TCF25: variants seen among roughly 807,000 people sequenced by gnomAD.
The protein encoded by TCF25 is TCF25 ribosome quality control complex subunit.
A neutral mutation model predicts 83.1 loss-of-function variants in TCF25; 41 were observed. The ratio of observed to expected loss-of-function variants is 0.49; its 90% CI spans 0.38 to 0.64. TCF25 has a LOEUF of 0.64. TCF25 is among the 30% of genes least tolerant of loss of function. TCF25 has a pLI of 0.00. For missense variants in TCF25, 979 were observed against 914.5 expected (o/e 1.07, Z -0.91); for synonymous variants, 458 against 365.0 (o/e 1.25, Z -2.90).
rs759347623 is a variant in TCF25 at position 89,906,284 on chromosome 16, G to A, written c.1719G>A (p.Pro573=). The part of the protein sequence containing the change: ...EIKEAVAALP[P]DVTTQSVMGF... ...AGGAAGCCGTCGCTGCCCTGCCCCCGGTAAGGGAGAAAGGCTGAAATGGGA... is the reference window on the plus strand; with the variant it reads ...AGGAAGCCGTCGCTGCCCTGCCCCCAGTAAGGGAGAAAGGCTGAAATGGGA... Residue 573 remains proline, a splice_region_variant and synonymous_variant, in exon 15 of 18, where the codon CCG becomes CCA. Transcript: ENST00000263346. 3 of 1,612,748 alleles carry A rather than the reference G, an allele frequency of 1.9e-6. No individual in the cohort carries two copies. The highest frequency in any genetic ancestry group is 1.1e-5 in the South Asian group (1 of 90,966).
chr16:89,908,009 G>C (rs183271572), intron 16 of TCF25, among the ~76,000 whole-genome samples: 687 of 33,320 alleles, frequency 0.021, 9 homozygotes, highest in African/African-American at 0.077. Flanking sequence ...CCCAGCTACC[G>C]CCTCCCTCCT....
chr16:89,896,775 C>T (rs1267692274), intron 9 of TCF25, among the ~76,000 whole-genome samples: 1 of 152,014 alleles, frequency 6.6e-6, no homozygotes, highest in African/African-American at 2.4e-5. Flanking sequence ...AGGATGGTCT[C>T]CATCTCCTGA....
At chr16:89,876,226 G>A (rs537418115) in intron 1 of TCF25, among the ~76,000 whole-genome samples, 1 of 151,994 alleles carries the variant, frequency 6.6e-6, no homozygotes, top group East Asian at 1.9e-4. Flanking sequence ...TTTATCCAGT[G>A]GCACACATCA....
intron 7 of TCF25, among the ~76,000 whole-genome samples, chr16:89,894,265 A>G (rs1485403999): frequency 8.1e-5 from 12 of 148,098 alleles, no homozygotes; most frequent in East Asian, 2.0e-4. Context: ...GCCCCCGCGC[A>G]GCCCCAGACA....
rs1311746755 is a variant in TCF25 at position 89,898,601 on chromosome 16, A to C, written c.1067A>C (p.Lys356Thr). The C allele has an allele frequency of 1.2e-6, 2 of 1,610,460 alleles. No individual in the cohort carries two copies. The highest frequency in any genetic ancestry group is 2.2e-5 in the East Asian group (1 of 44,776). The stretch of plus-strand genomic sequence containing the variant: ...TACAAGCAGATGAGCTTCCTGGAGA[A>C]GCGAGGCTGCCCGCGCACGGCGCTG... ...ALYKQMSFLE[K>T]RGCPRTALEY... The change falls in exon 10 of 18, where the codon AAG becomes ACG. Residue 356 changes from lysine to threonine, a missense_variant. Coordinates refer to ENST00000263346, the MANE Select transcript of TCF25 (RefSeq NM_014972.3).
intron 9 of TCF25, among the ~76,000 whole-genome samples, chr16:89,897,458 C>T (rs1233631031): frequency 6.6e-6 from 1 of 152,262 alleles, no homozygotes; most frequent in Non-Finnish European, 1.5e-5. Context: ...GTGGGATCCG[C>T]TCCTACCCTC....
At chr16:89,880,192 A>C (rs1032961746) in intron 1 of TCF25, among the ~76,000 whole-genome samples, 4 of 152,236 alleles carry the variant, frequency 2.6e-5, no homozygotes, top group Non-Finnish European at 4.4e-5. Flanking sequence ...TTTCCATTGA[A>C]GTTCAGCTTG....
chr16:89,880,515 C>T (rs148733878), intron 1 of TCF25, among the ~76,000 whole-genome samples: 48 of 151,756 alleles, frequency 3.2e-4, no homozygotes, highest in African/African-American at 1.1e-3. Flanking sequence ...ATCCGGGAGG[C>T]GGAGGTTGCA....
At chr16:89,904,647 C>T (rs897557803) in intron 13 of TCF25, 1 of 546,324 alleles carries the variant, frequency 1.8e-6, no homozygotes, top group Non-Finnish European at 3.4e-6. Context: ...TCCCCTGGCC[C>T]TCCAGGGCTC....
intron 11 of TCF25, 74 bp from the exon 12 acceptor site, chr16:89,900,561 C>G: frequency 6.7e-7 from 1 of 1,487,720 alleles, no homozygotes. Context: ...CTGGTGATGT[C>G]AGAGCGTCTG....
In TCF25 at chr16:89,873,883, G is replaced by T. The variant is rs377585892; in HGVS notation, c.192+24G>T. 6,670 of 1,507,784 alleles carry T rather than the reference G, an allele frequency of 4.4e-3. 61 individuals carry two copies. The highest frequency in any genetic ancestry group is 0.016 in the South Asian group (1,276 of 80,888). 93.4% of individuals were successfully genotyped at this position (1,507,784 alleles called of 1,614,324 possible). A position where few individuals can be genotyped will look rare whatever the true frequency, so the allele number is the denominator to read the frequency against. On this transcript the variant is annotated intron_variant, in intron 1 of 17. Transcript: ENST00000263346. ...TGGTGAGGAGCGCGGCGGCCCGGGT[G>T]GGGGTGGGGTGGCCCTTGACGTTGT...
At chr16:89,875,372 T>G (rs988506894) in intron 1 of TCF25, among the ~76,000 whole-genome samples, 1 of 152,214 alleles carries the variant, frequency 6.6e-6, no homozygotes, top group Non-Finnish European at 1.5e-5. Flanking sequence ...TGCTATCGAT[T>G]GTCTCTAACG....
intron 6 of TCF25, among the ~76,000 whole-genome samples, chr16:89,892,756 G>A (rs1218153483): frequency 6.6e-6 from 1 of 152,240 alleles, no homozygotes; most frequent in Non-Finnish European, 1.5e-5. Flanking sequence ...GTGCTTGGTT[G>A]TGTGGTGTGG....
intron 16 of TCF25, chr16:89,909,189 C>A: frequency 8.0e-7 from 1 of 1,247,690 alleles, no homozygotes. Flanking sequence ...GCCTGGCCAA[C>A]ATGGCAAACC....
chr16:89,907,455 C>G, intron 16 of TCF25, 133 bp downstream of exon 16: 1 of 346,466 alleles, frequency 2.9e-6, no homozygotes, highest in Non-Finnish European at 5.0e-6. Context: ...GCTCCTGGCT[C>G]CCACCTCCCT....
At position 89,884,644 on chromosome 16, in the gene TCF25, G is replaced by A. The variant is rs145356121; in HGVS notation, c.417G>A (p.Thr139=). ...KKKQKNKKSS[T]GEASENGLED... ...AACAGAAAAACAAGAAAAGCAGCAC[G>A]GGAGAAGCATCGGTACGTGAGTTGG... The change falls in exon 3 of 18, where the codon ACG becomes ACA. Residue 139 remains threonine (T), a synonymous_variant. Coordinates refer to ENST00000263346, the MANE Select transcript of TCF25 (RefSeq NM_014972.3). 17 of 1,612,656 alleles carry A rather than the reference G, an allele frequency of 1.1e-5. No individual in the cohort carries two copies. The highest frequency in any genetic ancestry group is 1.7e-5 in the Admixed American group (1 of 59,868).
chr16:89,879,118 T>C (rs554685842), intron 1 of TCF25, among the ~76,000 whole-genome samples: 2 of 151,346 alleles, frequency 1.3e-5, no homozygotes, highest in South Asian at 4.2e-4. Context: ...GTGTTGTCCG[T>C]GTACACAGAT....
chr16:89,905,255 C>A (rs942827870), intron 14 of TCF25, among the ~76,000 whole-genome samples, 159 bp downstream of exon 14: 1 of 152,186 alleles, frequency 6.6e-6, no homozygotes, highest in East Asian at 1.9e-4. Context: ...CGCACAGCCC[C>A]TGGCGTGTCC....
In TCF25 at chr16:89,883,383, G is replaced by T; in HGVS notation, c.225G>T (p.Val75=). ...INIDDLEDDP[V]VNGERSGCAL... is the part of the protein sequence containing the mutation. ...TTGACGATCTTGAGGATGACCCTGTGGTGAACGGGGAGAGGTCTGGCTGTG... is the reference window on the plus strand; with the variant it reads ...TTGACGATCTTGAGGATGACCCTGTTGTGAACGGGGAGAGGTCTGGCTGTG... The change falls in exon 2 of 18, where the codon GTG becomes GTT. Residue 75 remains valine (V), a synonymous_variant. Transcript: ENST00000263346. 6.2e-7 allele frequency: 1 copy of T among 1,614,120 alleles called. No homozygotes were observed.
Sources: allele counts gnomAD v4.1 joint callset (sites outside exome capture counted in the v4.1 genomes callset), GRCh38; gene constraint gnomAD v4.1.1; transcripts MANE v1.5; gene names NCBI Gene and HGNC (gene_info 2026-07-23, HGNC 2026-07-21).